The following CPSF7 variants were observed in gnomAD, a reference collection of about 807,000 sequenced individuals.
CPSF7 encodes cleavage and polyadenylation specificity factor subunit 7.
In CPSF7, 1 loss-of-function variant was observed where a neutral mutation model predicts 44.3. The observed-to-expected ratio is 0.02, with a 90% CI of 0.01 to 0.11. CPSF7 has a LOEUF of 0.11. Ranked by LOEUF, CPSF7 falls within the 10% of genes least tolerant of loss-of-function variation. The pLI is 1.00. For missense variants in CPSF7, 443 were observed against 607.2 expected (o/e 0.73, Z 2.84); for synonymous variants, 202 against 222.0 (o/e 0.91, Z 0.80).
chr11:61,429,731 G>A, intron 1 of CPSF7, 183 bp downstream of exon 1: 3 of 1,540,792 alleles, frequency 1.9e-6, no homozygotes, highest in Admixed American at 2.0e-5. Flanking sequence ...CCCCAGCTAG[G>A]CCCGCCCCGC....
At chr11:61,412,246 G>C (rs1859916633) in intron 7 of CPSF7, among the ~76,000 whole-genome samples, 1 of 151,246 alleles carries the variant, frequency 6.6e-6, no homozygotes, top group Non-Finnish European at 1.5e-5. Context: ...TTCTACTTCT[G>C]TTCACAAGTG....
chr11:61,414,146 T>TG (rs1860100825), intron 7 of CPSF7, among the ~76,000 whole-genome samples: 1 of 111,322 alleles, frequency 9.0e-6, no homozygotes, highest in African/African-American at 3.4e-5. Context: ...TTAAAAAGAC[T>TG]AATTTTTTTT....
At chr11:61,408,631 C>T (rs1166064184) in intron 9 of CPSF7, among the ~76,000 whole-genome samples, 1 of 152,286 alleles carries the variant, frequency 6.6e-6, no homozygotes, top group East Asian at 1.9e-4. Flanking sequence ...TAGAAACAAT[C>T]TTTCCAGAAG....
rs751279436 is a variant in CPSF7, at chr11:61,416,197, G to C, written c.846C>G (p.Leu282=). Residue 282 remains leucine (L), a synonymous_variant, in exon 6 of 10, where the codon CTC becomes CTG. Transcript: ENST00000439958. The stretch of plus-strand genomic sequence containing the variant: ...TTGGTGGGGGGAAGAAGGCTGGATT[G>C]AGGTGAAGGGCAGGTGGGATGGCCC... ...PPGAIPPALH[L]NPAFFPPPNA... The C allele has an allele frequency of 2.6e-6, 4 of 1,524,252 alleles. No homozygotes were observed. The highest frequency in any genetic ancestry group is 3.5e-6 in the Non-Finnish European group (4 of 1,138,828). The allele number at this position is 1,524,252 out of a possible 1,614,324, so 94.4% of individuals were successfully genotyped here. A position where few individuals can be genotyped will look rare whatever the true frequency, so the allele number is the denominator to read the frequency against.
intron 7 of CPSF7, among the ~76,000 whole-genome samples, chr11:61,412,549 A>C (rs1859950745): frequency 6.6e-6 from 1 of 152,214 alleles, no homozygotes; most frequent in African/African-American, 2.4e-5. Context: ...TTGGCCTCCC[A>C]AAGTGCTGGG....
intron 3 of CPSF7, chr11:61,420,904 G>A: frequency 2.0e-6 from 1 of 501,186 alleles, no homozygotes. Context: ...ACCATTGCCA[G>A]AACTTCCCCC....
At chr11:61,415,837 T>C in intron 6 of CPSF7, 53 bp from the exon 7 acceptor site, 1 of 1,294,810 alleles carries the variant, frequency 7.7e-7, no homozygotes, top group Non-Finnish European at 1.1e-6. Flanking sequence ...TTATTTTTAC[T>C]GTACTCTACA....
At chr11:61,419,143 C>A (rs570760030) in intron 5 of CPSF7, among the ~76,000 whole-genome samples, 20 of 152,298 alleles carry the variant, frequency 1.3e-4, no homozygotes, top group African/African-American at 4.8e-4. Flanking sequence ...CTGCCTCAGT[C>A]TCCCGTGTAG....
chr11:61,416,180 G>A lies in CPSF7; in HGVS notation c.863C>T (p.Pro288Leu). Residue 288 changes from proline (P) to leucine (L), a missense_variant, in exon 6 of 10, where the codon CCC (proline) becomes CTC (leucine). By Grantham distance (98) the Pro-to-Leu change is moderately conservative. Coordinates refer to ENST00000439958, the MANE Select transcript of CPSF7 (RefSeq NM_001142565.3). Reference protein sequence around the residue: ...PALHLNPAFFPPPNATVGPPP... With the variant: ...PALHLNPAFFLPPNATVGPPP... ...AGGCCCCACTGTAGCGTTTGGTGGG[G>A]GGAAGAAGGCTGGATTGAGGTGAAG... The A allele has an allele frequency of 6.6e-7, 1 of 1,519,420 alleles. No individual in the cohort carries two copies. Among genetic ancestry groups the A allele is most frequent in the Non-Finnish European group, 8.8e-7 (1 of 1,136,288 alleles). 94.1% of individuals were successfully genotyped at this position (1,519,420 alleles called of 1,614,324 possible). A position where few individuals can be genotyped will look rare whatever the true frequency, so the allele number is the denominator to read the frequency against.
Position 61,403,265 on chromosome 11 carries a change from T to A in CPSF7, c.*1445A>T, listed in dbSNP as rs1018796802. 3.3e-5 allele frequency: 5 copies of A among 152,190 alleles called. No homozygotes were observed. Among genetic ancestry groups the A allele is most frequent in the African/African-American group, 1.2e-4 (5 of 41,438 alleles). 9.4% of individuals were successfully genotyped at this position (152,190 alleles called of 1,614,324 possible). On this transcript the variant is annotated 3_prime_UTR_variant, in exon 10 of 10. Transcript: ENST00000439958. The stretch of plus-strand genomic sequence containing the variant: ...CCCAGAAGGGTCTCTAGTGACCCTA[T>A]GTCTCACATGCCAAGTCTCATCTCA...
At chr11:61,415,980 G>T in intron 6 of CPSF7, 125 bp downstream of exon 6, 1 of 997,302 alleles carries the variant, frequency 1.0e-6, no homozygotes, top group Non-Finnish European at 1.5e-6. Context: ...AGGAGTCAAT[G>T]CTATGATAAC....
At chr11:61,429,050 G>A in intron 2 of CPSF7, 132 bp downstream of exon 2, 3 of 559,598 alleles carry the variant, frequency 5.4e-6, no homozygotes, top group Admixed American at 5.2e-5. Context: ...AGTTTCTGCA[G>A]GAGAAAAATT....
intron 3 of CPSF7, chr11:61,420,931 C>G: frequency 1.8e-6 from 1 of 540,818 alleles, no homozygotes; most frequent in Non-Finnish European, 3.4e-6. Context: ...AATATACTTC[C>G]TAATTTGGAA....
chr11:61,413,292 T>C (rs1860013429), intron 7 of CPSF7, among the ~76,000 whole-genome samples: 1 of 152,138 alleles, frequency 6.6e-6, no homozygotes, highest in African/African-American at 2.4e-5. Flanking sequence ...TGTGTGTATA[T>C]ATATGATATT....
chr11:61,429,394 G>GCGGCCCCAGCT, intron 1 of CPSF7, 104 bp from the exon 2 acceptor site: 1 of 702,066 alleles, frequency 1.4e-6, no homozygotes, highest in Non-Finnish European at 2.5e-6. Flanking sequence ...CAGCATCCTG[G>GCGGCCCCAGCT]CGGCCCCAGC....
intron 8 of CPSF7, 28 bp from the exon 9 acceptor site, chr11:61,411,133 C>A (rs754947160): frequency 1.3e-6 from 2 of 1,579,448 alleles, no homozygotes; most frequent in South Asian, 1.2e-5. Flanking sequence ...CAGCCTCACT[C>A]AGAAGGCCTA....
At position 61,418,749 on chromosome 11, in the gene CPSF7, C is replaced by G. The variant is rs529946661; in HGVS notation, c.523+1200G>C. ...CTTTTTTTTTTTTGAGACAGAGTCT[C>G]ACTCTGTCACCCAGGCTGGAAGGCA... On this transcript the variant is annotated intron_variant, in intron 5 of 9. Coordinates refer to ENST00000439958, the MANE Select transcript of CPSF7 (RefSeq NM_001142565.3). Among the ~76,000 whole-genome samples, 175 of 151,522 alleles carry G rather than the reference C, an allele frequency of 1.2e-3. 1 individual carries two copies. The highest frequency in any genetic ancestry group is 2.1e-3 in the Non-Finnish European group (143 of 67,884).
intron 2 of CPSF7, 103 bp downstream of exon 2, chr11:61,429,079 T>G: frequency 1.5e-6 from 1 of 671,742 alleles, no homozygotes; most frequent in African/African-American, 1.8e-5. Flanking sequence ...GATAGACGCG[T>G]GTTCAAGCCT....
At chr11:61,420,676 G>A (rs1860780163) in intron 3 of CPSF7, 103 bp from the exon 4 acceptor site, 1 of 846,964 alleles carries the variant, frequency 1.2e-6, no homozygotes, top group Admixed American at 2.3e-5. Context: ...CCCCCCAGAG[G>A]AAACTCAAAA....
Sources: gnomAD v4.1 joint callset for allele counts (sites outside exome capture counted in the v4.1 genomes callset) on GRCh38, gnomAD v4.1.1 for gene constraint, MANE v1.5 for transcripts, NCBI Gene and HGNC (gene_info 2026-07-23, HGNC 2026-07-21) for gene names.